Variants in PALM2AKAP2 observed in about 807,000 individuals in gnomAD.
The protein encoded by PALM2AKAP2 is PALM2 and AKAP2 fusion.
PALM2AKAP2 carries 37 observed loss-of-function variants against 71.5 expected under a neutral mutation model. The observed-to-expected ratio is 0.52, with a 90% CI of 0.40 to 0.68. The LOEUF is 0.68. Among genes scored for constraint, PALM2AKAP2 ranks in the 30% least tolerant of loss-of-function variants. The pLI, the probability that PALM2AKAP2 is intolerant of heterozygous loss-of-function variation, is 0.00. For missense variants in PALM2AKAP2, 1,224 were observed against 1,191.8 expected (o/e 1.03, Z -0.40); for synonymous variants, 468 against 478.8 (o/e 0.98, Z 0.29).
upstream of PALM2AKAP2, among the ~76,000 whole-genome samples, chr9:110,044,519 T>G (rs1332060267): frequency 6.6e-6 from 1 of 151,534 alleles, no homozygotes; most frequent in Non-Finnish European, 1.5e-5. Flanking sequence ...ACCCAGCTAA[T>G]TTTTGTATTT....
intron 1 of PALM2AKAP2, among the ~76,000 whole-genome samples, chr9:109,722,482 C>G (rs765699280): frequency 2.0e-5 from 3 of 152,102 alleles, no homozygotes; most frequent in Non-Finnish European, 4.4e-5. Flanking sequence ...GATAAATATA[C>G]AAATAGGAGC....
chr9:109,642,005 T>A (rs1827076350), intron 1 of PALM2AKAP2, among the ~76,000 whole-genome samples: 1 of 152,196 alleles, frequency 6.6e-6, no homozygotes, highest in African/African-American at 2.4e-5. Flanking sequence ...GATTTCCTAC[T>A]CCAGCAATTG....
At chr9:109,745,853 A>G (rs1268839163) in intron 1 of PALM2AKAP2, among the ~76,000 whole-genome samples, 1 of 151,804 alleles carries the variant, frequency 6.6e-6, no homozygotes, top group Non-Finnish European at 1.5e-5. Flanking sequence ...ATAAATTCAG[A>G]CCCCAGAATA....
chr9:109,842,916 G>A (rs937782111), intron 1 of PALM2AKAP2, among the ~76,000 whole-genome samples: 5 of 152,134 alleles, frequency 3.3e-5, no homozygotes, highest in South Asian at 2.1e-4. Flanking sequence ...CAATGAGGGC[G>A]GATCACCTGA....
At chr9:109,891,975 T>A (rs1252245449) in intron 3 of PALM2AKAP2, among the ~76,000 whole-genome samples, 1 of 152,202 alleles carries the variant, frequency 6.6e-6, no homozygotes, top group Admixed American at 6.5e-5. Flanking sequence ...TCATTATATG[T>A]TACATTTACA....
chr9:110,018,150 T>C (rs1464966011), intron 7 of PALM2AKAP2, among the ~76,000 whole-genome samples: 2 of 152,192 alleles, frequency 1.3e-5, no homozygotes, highest in Non-Finnish European at 2.9e-5. Flanking sequence ...GTCCCTCTAG[T>C]TTAGACATCA....
chr9:109,994,125 G>A (rs1277567356), intron 6 of PALM2AKAP2, among the ~76,000 whole-genome samples: 8 of 152,210 alleles, frequency 5.3e-5, no homozygotes, highest in Admixed American at 2.0e-4. Context: ...GAGGGAGGAC[G>A]GGAGGAACTC....
chr9:110,125,139 C>T (rs1835568530), intron 1 of PALM2AKAP2, among the ~76,000 whole-genome samples: 1 of 152,210 alleles, frequency 6.6e-6, no homozygotes, highest in Non-Finnish European at 1.5e-5. Context: ...GTCTGTCTAA[C>T]TGGAGATTTC....
At chr9:109,855,323 T>G (rs951046863) in intron 1 of PALM2AKAP2, among the ~76,000 whole-genome samples, 1 of 152,220 alleles carries the variant, frequency 6.6e-6, no homozygotes, top group African/African-American at 2.4e-5. Flanking sequence ...TCTGCCCGTC[T>G]TGGCCTCCCA....
chr9:110,009,251 C>T (rs1286977219), intron 6 of PALM2AKAP2, among the ~76,000 whole-genome samples: 3 of 152,094 alleles, frequency 2.0e-5, no homozygotes, highest in African/African-American at 7.2e-5. Flanking sequence ...GAGGCTTTGA[C>T]CCTTTAATTT....
At position 109,815,941 on chromosome 9, in the gene PALM2AKAP2, C is replaced by T. The variant is rs1235620036; in HGVS notation, c.45+35408C>T. Among the ~76,000 whole-genome samples the T allele has an allele frequency of 2.2e-4, 34 of 152,048 alleles. 1 individual carries two copies. The highest frequency in any genetic ancestry group is 2.2e-3 in the Admixed American group (34 of 15,258). ...TGGAGGATAAATGATGGTATGGGGT[C>T]CCTGAGAGGTCAGGGCATGATGGAA... is the stretch of plus-strand genomic sequence containing the variant. On this transcript the variant is annotated intron_variant, in intron 1 of 9. Coordinates refer to the PALM2AKAP2 transcript ENST00000302798.
chr9:110,091,753 C>T (rs1342700929), intron 1 of PALM2AKAP2, among the ~76,000 whole-genome samples: 7 of 152,062 alleles, frequency 4.6e-5, no homozygotes, highest in South Asian at 2.1e-4. Context: ...TGAGCCACCG[C>T]GCCCAGCCAA....
At chr9:110,100,665 C>G (rs1834975699) in intron 1 of PALM2AKAP2, among the ~76,000 whole-genome samples, 1 of 152,162 alleles carries the variant, frequency 6.6e-6, no homozygotes, top group South Asian at 2.1e-4. Flanking sequence ...ATTCTCCGAC[C>G]CCTTGAAGGC....
intron 1 of PALM2AKAP2, among the ~76,000 whole-genome samples, chr9:110,078,249 G>A (rs1261523658): frequency 6.6e-6 from 1 of 152,150 alleles, no homozygotes; most frequent in Non-Finnish European, 1.5e-5. Context: ...TATTCTGGCA[G>A]GGGGCACATG....
chr9:110,131,577 G>T (rs1326052328), intron 1 of PALM2AKAP2, among the ~76,000 whole-genome samples: 1 of 152,180 alleles, frequency 6.6e-6, no homozygotes, highest in African/African-American at 2.4e-5. Flanking sequence ...GCCTAATCCG[G>T]ATAGGTTAGA....
chr9:109,780,627 G>A, intron 1 of PALM2AKAP2, 94 bp downstream of exon 1: 1 of 1,544,314 alleles, frequency 6.5e-7, no homozygotes, highest in South Asian at 1.1e-5. Context: ...CAGCACAGTA[G>A]CCGCAGGTCA....
chr9:109,662,094 C>A lies in PALM2AKAP2; in HGVS notation c.5+21228C>A, dbSNP rs1180730839. ...GAGATGATGGGGTTTTCTAAATATACAATCATGTCATCTGCAAACAGGGAC... is the reference window on the plus strand; with the variant it reads ...GAGATGATGGGGTTTTCTAAATATAAAATCATGTCATCTGCAAACAGGGAC... On this transcript the variant is annotated intron_variant, in intron 1 of 6. Transcript: ENST00000374531. Among the ~76,000 whole-genome samples, 7 of 152,236 alleles carry A rather than the reference C, an allele frequency of 4.6e-5. No individual in the cohort carries two copies. In the East Asian group the frequency reaches 9.6e-4, roughly 21 times the overall value.
At chr9:109,963,744 G>A (rs906503032) in intron 6 of PALM2AKAP2, among the ~76,000 whole-genome samples, 7 of 152,276 alleles carry the variant, frequency 4.6e-5, no homozygotes, top group South Asian at 2.1e-4. Flanking sequence ...TCTCCTGAAC[G>A]GTCCCAGCTC....
upstream of PALM2AKAP2, among the ~76,000 whole-genome samples, chr9:109,775,766 C>T (rs1829340912): frequency 6.6e-6 from 1 of 152,192 alleles, no homozygotes; most frequent in Non-Finnish European, 1.5e-5. Flanking sequence ...AAGTCATTTC[C>T]CTTTTGGTAT....
Sources: allele counts gnomAD v4.1 joint callset (sites outside exome capture counted in the v4.1 genomes callset), GRCh38; gene constraint gnomAD v4.1.1; transcripts MANE v1.5; gene names NCBI Gene and HGNC (gene_info 2026-07-23, HGNC 2026-07-21).